The following ROR1 variants were observed in gnomAD, a reference collection of about 807,000 sequenced individuals.
ROR1 encodes the protein ROR family WNT receptor 1.
ROR1 carries 19 observed loss-of-function variants against 78.8 expected under a neutral mutation model. The observed-to-expected ratio is 0.24, with a 90% CI of 0.17 to 0.35. The LOEUF (loss-of-function observed/expected upper bound fraction) is 0.35. ROR1 is among the 10% of genes least tolerant of loss of function. The pLI, the probability that ROR1 is intolerant of heterozygous loss-of-function variation, is 1.00. For missense variants in ROR1, 917 were observed against 1,177.8 expected (o/e 0.78, Z 3.24); for synonymous variants, 386 against 433.6 (o/e 0.89, Z 1.36).
intron 4 of ROR1, among the ~76,000 whole-genome samples, chr1:64,100,497 G>A (rs1647485367): frequency 6.6e-6 from 1 of 151,916 alleles, no homozygotes; most frequent in Non-Finnish European, 1.5e-5. Flanking sequence ...CAAGAAATAA[G>A]CAAACAAAAT....
rs143688815 is a variant in ROR1 at position 63,866,323 on chromosome 1, C to G, written c.91+91815C>G. Among the ~76,000 whole-genome samples, 747 of 152,304 alleles carry G rather than the reference C, an allele frequency of 4.9e-3. 7 individuals carry two copies. The highest frequency in any genetic ancestry group is 0.016 in the African/African-American group (662 of 41,578). ...CTGAACAAAACCCTCCATTCAAAGA[C>G]TGCTCGTTTCCTGCTGGGGTAATCC... On this transcript the variant is annotated intron_variant, in intron 1 of 8. Coordinates refer to ENST00000371079, the MANE Select transcript of ROR1 (RefSeq NM_005012.4).
intron 1 of ROR1, among the ~76,000 whole-genome samples, chr1:63,950,454 C>T (rs866828690): frequency 6.6e-6 from 1 of 152,280 alleles, no homozygotes. Flanking sequence ...CATTATAATT[C>T]ACATATAATG....
chr1:63,852,405 T>C (rs1200463501), intron 1 of ROR1, among the ~76,000 whole-genome samples: 1 of 152,232 alleles, frequency 6.6e-6, no homozygotes, highest in East Asian at 1.9e-4. Context: ...GTCTGCTCCC[T>C]CTTTCGCACA....
At chr1:63,991,748 T>C in intron 1 of ROR1, among the ~76,000 whole-genome samples, 1 of 152,220 alleles carries the variant, frequency 6.6e-6, no homozygotes, top group East Asian at 1.9e-4. Context: ...GTTGGGTTTC[T>C]TTAAGGAGAA....
intron 2 of ROR1, among the ~76,000 whole-genome samples, chr1:64,027,376 C>G (rs182573453): frequency 1.3e-5 from 2 of 152,268 alleles, no homozygotes; most frequent in African/African-American, 4.8e-5. Flanking sequence ...TCATTTTATG[C>G]TTTTATTTCT....
intron 1 of ROR1, among the ~76,000 whole-genome samples, chr1:63,795,581 C>G (rs973561778): frequency 6.6e-6 from 1 of 151,960 alleles, no homozygotes; most frequent in Non-Finnish European, 1.5e-5. Flanking sequence ...CTCTTAAGAT[C>G]GTGAAAATAC....
At chr1:64,072,639 A>G (rs1317053513) in intron 4 of ROR1, among the ~76,000 whole-genome samples, 2 of 152,186 alleles carry the variant, frequency 1.3e-5, no homozygotes, top group African/African-American at 2.4e-5. Context: ...TGTTTAATAC[A>G]TGACGTCATC....
intron 1 of ROR1, among the ~76,000 whole-genome samples, chr1:63,994,116 T>C (rs758745638): frequency 6.6e-6 from 1 of 152,214 alleles, no homozygotes; most frequent in African/African-American, 2.4e-5. Flanking sequence ...GTTATCATGT[T>C]TGATATGTTT....
intron 8 of ROR1, among the ~76,000 whole-genome samples, chr1:64,173,758 T>C (rs1650305124): frequency 6.6e-6 from 1 of 152,288 alleles, no homozygotes; most frequent in African/African-American, 2.4e-5. Context: ...CCCAAGGCCA[T>C]GTGTAGGGCT....
At chr1:63,980,585 G>C (rs139204073) in intron 1 of ROR1, among the ~76,000 whole-genome samples, 1 of 152,336 alleles carries the variant, frequency 6.6e-6, no homozygotes, top group Non-Finnish European at 1.5e-5. Flanking sequence ...TTGGGAGCAA[G>C]GTAATTGTCA....
intron 4 of ROR1, among the ~76,000 whole-genome samples, chr1:64,077,241 T>C (rs746077903): frequency 7.2e-5 from 11 of 152,212 alleles, no homozygotes; most frequent in Non-Finnish European, 1.2e-4. Flanking sequence ...AAAGGTTCTT[T>C]GATAAAAAGG....
chr1:64,064,108 A>G (rs1296781721), intron 4 of ROR1, among the ~76,000 whole-genome samples: 1 of 152,372 alleles, frequency 6.6e-6, no homozygotes, highest in East Asian at 1.9e-4. Flanking sequence ...AGAATTTAAC[A>G]TAGGGAATTG....
At chr1:64,126,277 A>G (rs1420697787) in intron 4 of ROR1, among the ~76,000 whole-genome samples, 1 of 152,186 alleles carries the variant, frequency 6.6e-6, no homozygotes, top group East Asian at 1.9e-4. Flanking sequence ...TGGGCTGAAG[A>G]TGTCCATGGG....
chr1:64,058,537 T>C (rs940008552), intron 4 of ROR1, among the ~76,000 whole-genome samples: 2 of 151,508 alleles, frequency 1.3e-5, no homozygotes, highest in Non-Finnish European at 2.9e-5. Context: ...TTTTTTACTA[T>C]GAAAAGCTAT....
At chr1:64,136,344 A>G (rs1649100245) in intron 4 of ROR1, among the ~76,000 whole-genome samples, 1 of 144,980 alleles carries the variant, frequency 6.9e-6, no homozygotes, top group South Asian at 2.1e-4. Context: ...ACCAAAGGGG[A>G]AAAACGGTGT....
intron 1 of ROR1, among the ~76,000 whole-genome samples, chr1:63,956,289 G>C (rs1248218439): frequency 6.6e-6 from 1 of 152,166 alleles, no homozygotes; most frequent in Non-Finnish European, 1.5e-5. Context: ...CAGCTGATCA[G>C]TCCCAGCAGA....
chr1:64,158,058 C>G (rs183915714), intron 7 of ROR1, among the ~76,000 whole-genome samples: 129 of 152,260 alleles, frequency 8.5e-4, no homozygotes, highest in African/African-American at 3.0e-3. Flanking sequence ...TTTTACCAGT[C>G]AAATAATTCA....
At chr1:63,798,609 A>G (rs975715756) in intron 1 of ROR1, among the ~76,000 whole-genome samples, 1 of 152,216 alleles carries the variant, frequency 6.6e-6, no homozygotes, top group Non-Finnish European at 1.5e-5. Flanking sequence ...ACTGCTCTGC[A>G]TGTCTCCTTT....
intron 1 of ROR1, among the ~76,000 whole-genome samples, chr1:63,915,193 C>T (rs1162020614): frequency 1.3e-5 from 2 of 152,186 alleles, no homozygotes; most frequent in African/African-American, 2.4e-5. Flanking sequence ...TTACATTAAA[C>T]CCAGTTCTGA....
Sources: allele counts gnomAD v4.1 joint callset (sites outside exome capture counted in the v4.1 genomes callset), GRCh38; gene constraint gnomAD v4.1.1; transcripts MANE v1.5; gene names NCBI Gene and HGNC (gene_info 2026-07-23, HGNC 2026-07-21).